FBXW11: variants seen among roughly 807,000 people sequenced by gnomAD.
FBXW11 encodes the protein F-box and WD repeat domain containing 11.
A neutral mutation model predicts 77.6 loss-of-function variants in FBXW11; 19 were observed. The observed-to-expected ratio is 0.24, with a 90% CI of 0.17 to 0.36. The LOEUF (loss-of-function observed/expected upper bound fraction) is 0.36. Ranked by LOEUF, FBXW11 falls within the 10% of genes least tolerant of loss-of-function variation. The pLI is 1.00. For synonymous variants in FBXW11, 235 were observed against 249.4 expected, an observed-to-expected ratio of 0.94 and a Z score of 0.54; for missense variants, 334 against 704.2, an observed-to-expected ratio of 0.47 and a Z score of 5.95.
At chr5:171,889,527 CAAAA>C (rs34406226) in intron 7 of FBXW11, among the ~76,000 whole-genome samples, 134 of 109,228 alleles carry the variant, frequency 1.2e-3, no homozygotes, top group Admixed American at 1.4e-3. Flanking sequence ...GACTCCATCT[CAAAA>C]AAAAAAAAAA....
chr5:171,962,122 G>A (rs892819835), intron 1 of FBXW11, among the ~76,000 whole-genome samples: 1 of 151,698 alleles, frequency 6.6e-6, no homozygotes, highest in East Asian at 1.9e-4. Flanking sequence ...TTTTTTAAGT[G>A]AGCAGTGTTC....
intron 1 of FBXW11, among the ~76,000 whole-genome samples, chr5:171,990,817 T>C (rs1561755031): frequency 6.6e-6 from 1 of 152,120 alleles, no homozygotes; most frequent in Non-Finnish European, 1.5e-5. Context: ...GAAACTTTTT[T>C]TTTTCGCTGG....
intron 1 of FBXW11, among the ~76,000 whole-genome samples, chr5:171,969,590 T>G (rs1298746355): frequency 2.0e-5 from 3 of 152,270 alleles, no homozygotes; most frequent in African/African-American, 7.2e-5. Context: ...ATTGCTTAAA[T>G]TATTTCCTGG....
At chr5:171,880,609 A>G (rs1171370028) in intron 7 of FBXW11, among the ~76,000 whole-genome samples, 2 of 152,196 alleles carry the variant, frequency 1.3e-5, no homozygotes, top group Admixed American at 1.3e-4. Flanking sequence ...TTCTTTAATC[A>G]GTTTTATAGT....
intron 6 of FBXW11, among the ~76,000 whole-genome samples, chr5:171,894,939 A>G (rs1759642852): frequency 6.6e-6 from 1 of 152,196 alleles, no homozygotes; most frequent in African/African-American, 2.4e-5. Flanking sequence ...GTTAACCAAA[A>G]AAAAGTGGGC....
chr5:171,944,574 C>CAAAAAAAA (rs34106047), intron 2 of FBXW11, among the ~76,000 whole-genome samples: 2 of 80,548 alleles, frequency 2.5e-5, no homozygotes, highest in Non-Finnish European at 4.3e-5. Context: ...GACTCCATCT[C>CAAAAAAAA]AAAAAAAAAA....
intron 7 of FBXW11, among the ~76,000 whole-genome samples, chr5:171,880,771 A>T (rs1485335553): frequency 6.6e-6 from 1 of 152,144 alleles, no homozygotes; most frequent in African/African-American, 2.4e-5. Context: ...ATCTCGGCTC[A>T]CTGCAACCTC....
intron 2 of FBXW11, among the ~76,000 whole-genome samples, chr5:171,921,469 C>T (rs1043394617): frequency 5.9e-5 from 9 of 152,176 alleles, no homozygotes; most frequent in African/African-American, 2.2e-4. Context: ...GTACTTTCCA[C>T]ACAGAAAAAT....
chr5:171,969,528 T>A (rs952374858), intron 1 of FBXW11, among the ~76,000 whole-genome samples: 1 of 152,176 alleles, frequency 6.6e-6, no homozygotes, highest in African/African-American at 2.4e-5. Flanking sequence ...AGACAAAAAT[T>A]CTCAAAACTA....
intron 6 of FBXW11, among the ~76,000 whole-genome samples, chr5:171,897,850 T>A (rs1173128592): frequency 1.3e-5 from 2 of 151,942 alleles, no homozygotes; most frequent in Non-Finnish European, 2.9e-5. Flanking sequence ...GACAGCCCCA[T>A]CTCCCCTACA....
chr5:171,959,700 T>A (rs1251721374), intron 1 of FBXW11, among the ~76,000 whole-genome samples: 1 of 150,978 alleles, frequency 6.6e-6, no homozygotes, highest in Non-Finnish European at 1.5e-5. Context: ...ACACAAAAAT[T>A]AGCCAGGCGT....
intron 3 of FBXW11, among the ~76,000 whole-genome samples, chr5:171,913,025 A>C (rs931208713): frequency 3.0e-4 from 45 of 152,224 alleles, no homozygotes; most frequent in African/African-American, 1.1e-3. Context: ...AATTCATGAC[A>C]AGGGGAACAC....
intron 6 of FBXW11, among the ~76,000 whole-genome samples, chr5:171,894,667 T>C (rs1196424430): frequency 6.7e-6 from 1 of 148,878 alleles, no homozygotes; most frequent in Non-Finnish European, 1.5e-5. Flanking sequence ...TGACTCTTAC[T>C]TGAATGCTTA....
intron 2 of FBXW11, among the ~76,000 whole-genome samples, chr5:171,956,392 A>G (rs939626100): frequency 6.6e-6 from 1 of 152,122 alleles, no homozygotes; most frequent in African/African-American, 2.4e-5. Context: ...CTTGTAACCC[A>G]CCTTTATATA....
At chr5:171,905,561 A>G (rs970146806) in intron 4 of FBXW11, among the ~76,000 whole-genome samples, 2 of 150,902 alleles carry the variant, frequency 1.3e-5, no homozygotes, top group Non-Finnish European at 2.9e-5. Context: ...CAGAAAAAAT[A>G]CTACGCATCT....
At chr5:171,959,587 C>T (rs1190651468) in intron 1 of FBXW11, among the ~76,000 whole-genome samples, 1 of 151,998 alleles carries the variant, frequency 6.6e-6, no homozygotes, top group Non-Finnish European at 1.5e-5. Flanking sequence ...GTGGCTCACA[C>T]CTATAATCCT....
At chr5:171,962,698 T>C (rs1763972659) in intron 1 of FBXW11, among the ~76,000 whole-genome samples, 2 of 152,188 alleles carry the variant, frequency 1.3e-5, no homozygotes, top group South Asian at 4.1e-4. Context: ...CTAGGCTCTC[T>C]TCCTATTACC....
intron 7 of FBXW11, among the ~76,000 whole-genome samples, chr5:171,886,685 A>T (rs1415639448): frequency 6.6e-6 from 1 of 152,210 alleles, no homozygotes; most frequent in Non-Finnish European, 1.5e-5. Context: ...GTATACTGGT[A>T]GCCACAGGTT....
In FBXW11 at chr5:171,872,907, G is replaced by T; in HGVS notation, c.1305C>A (p.Arg435=). ...RGIACLQYRD[R]LVVSGSSDNT... The stretch of plus-strand genomic sequence containing the variant: ...TATCTGATGATCCACTAACAACCAG[G>T]CGATCCCTGTACTGGAGACAGGCAA... Residue 435 remains arginine, a synonymous_variant, in exon 10 of 14, where the codon CGC becomes CGA. Coordinates refer to ENST00000517395, the MANE Select transcript of FBXW11 (RefSeq NM_001378974.1). 6.2e-7 allele frequency: 1 copy of T among 1,614,058 alleles called. No individual in the cohort carries two copies. Among genetic ancestry groups the T allele is most frequent in the Non-Finnish European group, 8.5e-7 (1 of 1,179,986 alleles).
Sources: gnomAD v4.1 joint callset for allele counts (sites outside exome capture counted in the v4.1 genomes callset) on GRCh38, gnomAD v4.1.1 for gene constraint, MANE v1.5 for transcripts, NCBI Gene and HGNC (gene_info 2026-07-23, HGNC 2026-07-21) for gene names.